CNTNAP2: variants seen among roughly 807,000 people sequenced by gnomAD.
The protein encoded by CNTNAP2 is contactin-associated protein-like 2.
A neutral mutation model predicts 155.2 loss-of-function variants in CNTNAP2; 98 were observed. The observed-to-expected ratio is 0.63, with a 90% CI of 0.54 to 0.75. CNTNAP2 has a LOEUF of 0.75. Ranked by LOEUF, CNTNAP2 falls within the 30% of genes least tolerant of loss-of-function variation. CNTNAP2 has a pLI of 0.00. For synonymous variants in CNTNAP2, 651 were observed against 631.2 expected, an observed-to-expected ratio of 1.03 and a Z score of -0.47; for missense variants, 1,727 against 1,688.1, an observed-to-expected ratio of 1.02 and a Z score of -0.40.
At chr7:146,970,443 A>T (rs1797762244) in intron 3 of CNTNAP2, among the ~76,000 whole-genome samples, 1 of 152,234 alleles carries the variant, frequency 6.6e-6, no homozygotes, top group South Asian at 2.1e-4. Flanking sequence ...TTATGCAGCC[A>T]AAAAATACAT....
intron 3 of CNTNAP2, among the ~76,000 whole-genome samples, chr7:146,893,487 G>GGAGA (rs61652967): frequency 0.72 from 107,496 of 149,932 alleles, 39,301 homozygotes; most frequent in African/African-American, 0.86. Context: ...ATATATATAT[G>GGAGA]GAGAGAGAGA....
intron 1 of CNTNAP2, among the ~76,000 whole-genome samples, chr7:146,317,653 G>A (rs1344744688): frequency 6.6e-6 from 1 of 152,158 alleles, no homozygotes; most frequent in Non-Finnish European, 1.5e-5. Flanking sequence ...AAAAACTGGA[G>A]CTATTCTTTT....
chr7:146,334,894 T>C (rs1369134516), intron 1 of CNTNAP2, among the ~76,000 whole-genome samples: 1 of 152,244 alleles, frequency 6.6e-6, no homozygotes, highest in East Asian at 1.9e-4. Flanking sequence ...TCACCTTTTC[T>C]ATTCTTGCAC....
chr7:147,108,778 G>T (rs1800818806), intron 5 of CNTNAP2, among the ~76,000 whole-genome samples: 1 of 152,140 alleles, frequency 6.6e-6, no homozygotes, highest in Non-Finnish European at 1.5e-5. Context: ...AGGCAACAGG[G>T]CTAATATTAG....
At chr7:147,253,298 A>G (rs1467465999) in intron 8 of CNTNAP2, among the ~76,000 whole-genome samples, 1 of 152,112 alleles carries the variant, frequency 6.6e-6, no homozygotes, top group African/African-American at 2.4e-5. Flanking sequence ...CACCATTTTT[A>G]ACAAACCTGG....
chr7:147,273,015 A>G, intron 8 of CNTNAP2, among the ~76,000 whole-genome samples: 1 of 151,966 alleles, frequency 6.6e-6, no homozygotes, highest in African/African-American at 2.4e-5. Context: ...CTTCTTTTCC[A>G]TTTGCTGCTG....
At chr7:147,261,209 A>G (rs1434159578) in intron 8 of CNTNAP2, among the ~76,000 whole-genome samples, 1 of 152,144 alleles carries the variant, frequency 6.6e-6, no homozygotes, top group Non-Finnish European at 1.5e-5. Context: ...ATCACATGAG[A>G]AATGTTTAAA....
chr7:147,839,495 TAAAGAG>T (rs1401422791), intron 13 of CNTNAP2, among the ~76,000 whole-genome samples: 1 of 152,088 alleles, frequency 6.6e-6, no homozygotes, highest in Non-Finnish European at 1.5e-5. Flanking sequence ...AGCTGAGTCT[TAAAGAG>T]TAGGAGAAAG....
At chr7:146,418,302 C>T (rs906540581) in intron 1 of CNTNAP2, among the ~76,000 whole-genome samples, 12 of 152,298 alleles carry the variant, frequency 7.9e-5, no homozygotes, top group Admixed American at 7.2e-4. Flanking sequence ...TGTCAGGGCA[C>T]ATCCCAGCAC....
At chr7:147,452,751 A>G (rs1023279620) in intron 10 of CNTNAP2, among the ~76,000 whole-genome samples, 14 of 152,244 alleles carry the variant, frequency 9.2e-5, no homozygotes, top group Admixed American at 2.6e-4. Flanking sequence ...TATGGTGGGG[A>G]TCAGGTCTCC....
At chr7:147,888,930 A>G (rs144209439) in intron 13 of CNTNAP2, among the ~76,000 whole-genome samples, 35 of 152,224 alleles carry the variant, frequency 2.3e-4, no homozygotes, top group African/African-American at 8.2e-4. Context: ...CTATGCAAAC[A>G]TTGACAATAT....
chr7:147,744,025 C>T (rs994624361), intron 13 of CNTNAP2, among the ~76,000 whole-genome samples: 2 of 152,204 alleles, frequency 1.3e-5, no homozygotes, highest in Non-Finnish European at 2.9e-5. Context: ...TAATGCCTAA[C>T]TCAAAAGATT....
chr7:147,900,946 G>C (rs184887875), intron 13 of CNTNAP2, among the ~76,000 whole-genome samples: 3 of 152,124 alleles, frequency 2.0e-5, no homozygotes, highest in African/African-American at 7.2e-5. Flanking sequence ...TGTACATTTT[G>C]TGAGCAAACC....
chr7:147,343,885 G>A (rs909530633), intron 9 of CNTNAP2, among the ~76,000 whole-genome samples: 9 of 152,124 alleles, frequency 5.9e-5, no homozygotes, highest in African/African-American at 2.2e-4. Context: ...TCCTTCTAAA[G>A]TGACCAGATT....
intron 15 of CNTNAP2, among the ~76,000 whole-genome samples, chr7:148,009,719 C>T (rs1268337058): frequency 6.6e-6 from 1 of 151,670 alleles, no homozygotes; most frequent in Non-Finnish European, 1.5e-5. Context: ...CTTTTATGAA[C>T]TTGCTATTTA....
intron 8 of CNTNAP2, among the ~76,000 whole-genome samples, chr7:147,273,134 G>T (rs1435041789): frequency 6.6e-6 from 1 of 152,096 alleles, no homozygotes; most frequent in Non-Finnish European, 1.5e-5. Context: ...CTCCCAGCCT[G>T]CAGAAGCCCC....
chr7:147,335,690 C>T (rs1478822862), intron 9 of CNTNAP2, among the ~76,000 whole-genome samples: 1 of 152,146 alleles, frequency 6.6e-6, no homozygotes, highest in Non-Finnish European at 1.5e-5. Flanking sequence ...CAGAGGGTAA[C>T]ATTTTTCTTC....
intron 1 of CNTNAP2, among the ~76,000 whole-genome samples, chr7:146,616,264 T>C (rs1422028154): frequency 6.6e-6 from 1 of 152,092 alleles, no homozygotes; most frequent in African/African-American, 2.4e-5. Context: ...AGGGGAACAT[T>C]TTCCAGAGGA....
chr7:146,868,588 T>C lies in CNTNAP2; in HGVS notation c.402+28684T>C, dbSNP rs28880035. ...GTAATTTGACAGCATAGCATTGAATTTGTAAATTGCTTTGGGCTGTATAGC... is the reference window on the plus strand; with the variant it reads ...GTAATTTGACAGCATAGCATTGAATCTGTAAATTGCTTTGGGCTGTATAGC... On this transcript the variant is annotated intron_variant, in intron 3 of 23. Coordinates refer to ENST00000361727, the MANE Select transcript of CNTNAP2 (RefSeq NM_014141.6). Among the ~76,000 whole-genome samples, 1,155 of 152,282 alleles carry C rather than the reference T, an allele frequency of 7.6e-3. 8 individuals are homozygous for C. The highest frequency in any genetic ancestry group is 0.024 in the African/African-American group (999 of 41,572).
Sources: allele counts gnomAD v4.1 joint callset (sites outside exome capture counted in the v4.1 genomes callset), GRCh38; gene constraint gnomAD v4.1.1; transcripts MANE v1.5; gene names NCBI Gene and HGNC (gene_info 2026-07-23, HGNC 2026-07-21).